Variants in SLC6A15 observed in about 807,000 individuals in gnomAD.
The protein encoded by SLC6A15 is sodium-dependent neutral amino acid transporter B(0)AT2.
In SLC6A15, 33 loss-of-function variants were observed where a neutral mutation model predicts 68.5. That is an observed-to-expected ratio of 0.48 (90% confidence interval 0.37 to 0.64). The LOEUF is 0.64. Among genes scored for constraint, SLC6A15 ranks in the 30% least tolerant of loss-of-function variants. The probability of loss-of-function intolerance (pLI) is 0.00; values close to 1 mark genes in which losing one functional copy is unlikely to be tolerated. For missense variants in SLC6A15, 747 were observed against 874.3 expected, an observed-to-expected ratio of 0.85 and a Z score of 1.84; for synonymous variants, 347 against 301.0, an observed-to-expected ratio of 1.15 and a Z score of -1.58.
intron 1 of SLC6A15, among the ~76,000 whole-genome samples, chr12:84,899,094 G>A (rs1872745452): frequency 6.6e-6 from 1 of 152,096 alleles, no homozygotes; most frequent in Non-Finnish European, 1.5e-5. Context: ...CAAAATACTA[G>A]CTGCAACTTG....
intron 2 of SLC6A15, among the ~76,000 whole-genome samples, chr12:84,886,832 G>A (rs1404409901): frequency 6.6e-6 from 1 of 152,110 alleles, no homozygotes; most frequent in Non-Finnish European, 1.5e-5. Flanking sequence ...TAAGACATAT[G>A]ACTATGACTA....
In SLC6A15 at chr12:84,885,423, T is replaced by C. The variant is rs1872049431; in HGVS notation, c.574+12A>G. ...GCTTAAATACCAAAACACTGTATTA[T>C]ACATATCTTACAAGTGTGTGAAGCA... is the stretch of plus-strand genomic sequence containing the variant. On this transcript the variant is annotated intron_variant, in intron 4 of 11. Transcript: ENST00000266682. The C allele has an allele frequency of 6.2e-7, 1 of 1,609,820 alleles. No homozygotes were observed.
chr12:84,904,710 T>G (rs557806551), intron 1 of SLC6A15, among the ~76,000 whole-genome samples: 15 of 152,198 alleles, frequency 9.9e-5, no homozygotes, highest in Non-Finnish European at 1.9e-4. Context: ...GTCAATTTCA[T>G]GCTTAAGGCA....
chr12:84,888,673 T>G (rs983164040), intron 2 of SLC6A15, among the ~76,000 whole-genome samples: 1 of 152,176 alleles, frequency 6.6e-6, no homozygotes, highest in Non-Finnish European at 1.5e-5. Context: ...TGTATGCTAC[T>G]TGGGTGAGGG....
chr12:84,865,699 G>C (rs1871034981), intron 10 of SLC6A15, among the ~76,000 whole-genome samples: 1 of 152,128 alleles, frequency 6.6e-6, no homozygotes, highest in Non-Finnish European at 1.5e-5. Context: ...TATAATATAG[G>C]GGAATCTTAC....
At chr12:84,900,088 T>C (rs1385513755) in intron 1 of SLC6A15, among the ~76,000 whole-genome samples, 1 of 152,088 alleles carries the variant, frequency 6.6e-6, no homozygotes, top group Admixed American at 6.5e-5. Context: ...CACTGATATC[T>C]ACCAAATTGA....
At chr12:84,905,851 A>T (rs12297157) in intron 1 of SLC6A15, among the ~76,000 whole-genome samples, 10,296 of 152,224 alleles carry the variant, frequency 0.068, 1,126 homozygotes, top group African/African-American at 0.23. Context: ...GTTACAAAAG[A>T]TTTCCATCAC....
chr12:84,863,947 T>C (rs927040226), intron 10 of SLC6A15, among the ~76,000 whole-genome samples: 1 of 151,340 alleles, frequency 6.6e-6, no homozygotes, highest in Non-Finnish European at 1.5e-5. Context: ...AATTATTTCT[T>C]TTAGTAATTA....
At chr12:84,881,619 A>G (rs1871825190) in intron 5 of SLC6A15, 1 of 985,176 alleles carries the variant, frequency 1.0e-6, no homozygotes, top group Non-Finnish European at 1.2e-6. Context: ...ATATGCATGT[A>G]TGACTGTGTG....
intron 11 of SLC6A15, 48 bp from the exon 12 acceptor site, chr12:84,862,054 A>G (rs769042173): frequency 8.7e-6 from 13 of 1,499,624 alleles, no homozygotes; most frequent in Non-Finnish European, 1.2e-5. Flanking sequence ...CTTTCTTTGC[A>G]CATACATAAA....
At chr12:84,896,584 G>T (rs891946767) in intron 1 of SLC6A15, among the ~76,000 whole-genome samples, 1 of 152,138 alleles carries the variant, frequency 6.6e-6, no homozygotes, top group Non-Finnish European at 1.5e-5. Flanking sequence ...AATTTGTATG[G>T]CACTACTTCC....
intron 5 of SLC6A15, chr12:84,881,356 A>T: frequency 1.5e-6 from 1 of 659,204 alleles, no homozygotes; most frequent in Non-Finnish European, 1.9e-6. Context: ...CATAATACCC[A>T]CTATTTGATC....
intron 1 of SLC6A15, among the ~76,000 whole-genome samples, chr12:84,896,466 T>C (rs549145687): frequency 1.3e-5 from 2 of 152,364 alleles, no homozygotes; most frequent in African/African-American, 4.8e-5. Flanking sequence ...GTTATTGTTA[T>C]GGACCGTAAA....
intron 10 of SLC6A15, among the ~76,000 whole-genome samples, chr12:84,864,551 C>A (rs951155980): frequency 6.6e-6 from 1 of 152,000 alleles, no homozygotes; most frequent in African/African-American, 2.4e-5. Context: ...ATCTCCTGAC[C>A]TCAAGTGATC....
At chr12:84,905,719 G>A (rs541480196) in intron 1 of SLC6A15, among the ~76,000 whole-genome samples, 1 of 152,196 alleles carries the variant, frequency 6.6e-6, no homozygotes, top group African/African-American at 2.4e-5. Context: ...GGTTGAATCT[G>A]TGGATGCACA....
intron 10 of SLC6A15, among the ~76,000 whole-genome samples, chr12:84,865,556 C>T (rs1191704954): frequency 6.6e-6 from 1 of 152,198 alleles, no homozygotes; most frequent in African/African-American, 2.4e-5. Flanking sequence ...CGTGTGTCCA[C>T]CATTACAGTG....
intron 6 of SLC6A15, 48 bp from the exon 7 acceptor site, chr12:84,873,376 G>A (rs781278161): frequency 1.3e-6 from 2 of 1,585,276 alleles, no homozygotes; most frequent in African/African-American, 2.7e-5. Context: ...TAATGTTTCA[G>A]AATAATTAAT....
At chr12:84,884,115 T>C (rs1449555828) in intron 4 of SLC6A15, 75 bp from the exon 5 acceptor site, 3 of 1,211,340 alleles carry the variant, frequency 2.5e-6, no homozygotes, top group African/African-American at 3.0e-5. Flanking sequence ...CCAATAAACC[T>C]GTAAGTGAAT....
intron 9 of SLC6A15, among the ~76,000 whole-genome samples, chr12:84,869,968 C>T (rs1871217147): frequency 6.6e-6 from 1 of 151,976 alleles, no homozygotes; most frequent in Non-Finnish European, 1.5e-5. Context: ...GACCTATTAA[C>T]TACCATCCAT....
Sources: gnomAD v4.1 joint callset for allele counts (sites outside exome capture counted in the v4.1 genomes callset) on GRCh38, gnomAD v4.1.1 for gene constraint, MANE v1.5 for transcripts, NCBI Gene and HGNC (gene_info 2026-07-23, HGNC 2026-07-21) for gene names.